LAPTM4B: variants seen among roughly 807,000 people sequenced by gnomAD.
The protein encoded by LAPTM4B is lysosomal protein transmembrane 4 beta.
A neutral mutation model predicts 28.5 loss-of-function variants in LAPTM4B; 26 were observed. The observed-to-expected ratio is 0.91, with a 90% CI of 0.67 to 1.27. LAPTM4B has a LOEUF of 1.27. LAPTM4B is among the 50% of genes most tolerant of loss of function. The pLI is 0.00. For synonymous variants in LAPTM4B, 109 were observed against 106.4 expected, an observed-to-expected ratio of 1.02 and a Z score of -0.15; for missense variants, 288 against 285.8, an observed-to-expected ratio of 1.01 and a Z score of -0.06.
chr8:97,792,330 A>G (rs1319306214), intron 1 of LAPTM4B, among the ~76,000 whole-genome samples: 1 of 152,096 alleles, frequency 6.6e-6, no homozygotes, highest in Non-Finnish European at 1.5e-5. Flanking sequence ...ATCTCCACTC[A>G]CTACATCCTT....
At chr8:97,823,387 T>TG (rs1239442135) in intron 5 of LAPTM4B, among the ~76,000 whole-genome samples, 1 of 130,676 alleles carries the variant, frequency 7.7e-6, no homozygotes, top group African/African-American at 2.7e-5. Context: ...TTGTTGTTGT[T>TG]TTTTTGAGAC....
chr8:97,850,322 T>C (rs4501557), intron 6 of LAPTM4B, among the ~76,000 whole-genome samples: 57,329 of 151,476 alleles, frequency 0.38, 11,550 homozygotes, highest in Non-Finnish European at 0.41. Flanking sequence ...AAGTGGCACC[T>C]CCGTCACTCC....
chr8:97,801,843 CAAA>C (rs34138394), intron 1 of LAPTM4B, among the ~76,000 whole-genome samples: 104 of 131,338 alleles, frequency 7.9e-4, no homozygotes, highest in Non-Finnish European at 8.1e-4. Context: ...AACTCCATCT[CAAA>C]AAAAAAAAAA....
Position 97,782,057 on chromosome 8 carries a change from C to A in LAPTM4B, c.99+5949C>A, listed in dbSNP as rs1041589912. Among the ~76,000 whole-genome samples, 13 of 150,902 alleles carry A rather than the reference C, an allele frequency of 8.6e-5. No individual in the cohort carries two copies. In the South Asian group the frequency reaches 2.1e-3, roughly 24 times the overall value. The stretch of plus-strand genomic sequence containing the variant: ...GTGCAATGGTGCGATCTCGGCTCAC[C>A]GCAACCTCCGACTCCCAGGTTCAAG... On this transcript the variant is annotated intron_variant, in intron 1 of 6. Transcript: ENST00000521545.
In LAPTM4B at chr8:97,848,772, G is replaced by A. The variant is rs866190453; in HGVS notation, c.604-2625G>A. ...GGGCATTGTGGTGAAGCTCAGTCTT[G>A]CTAAAATTAATATTTCTGGTGCGGT... On this transcript the variant is annotated intron_variant, in intron 6 of 6. Transcript: ENST00000521545. 1.1e-4 allele frequency among the ~76,000 whole-genome samples: 17 copies of A among 152,186 alleles called. 1 individual carries two copies. Among genetic ancestry groups the A allele is most frequent in the Non-Finnish European group, 4.4e-5 (3 of 68,038 alleles).
At chr8:97,846,352 G>C (rs1210944408) in intron 6 of LAPTM4B, among the ~76,000 whole-genome samples, 1 of 137,972 alleles carries the variant, frequency 7.2e-6, no homozygotes, top group African/African-American at 2.7e-5. Flanking sequence ...TTTTGAGATG[G>C]AGTTTCGCTC....
At chr8:97,847,408 A>C (rs1460180734) in intron 6 of LAPTM4B, among the ~76,000 whole-genome samples, 1 of 152,236 alleles carries the variant, frequency 6.6e-6, no homozygotes, top group African/African-American at 2.4e-5. Context: ...CATGACCTAT[A>C]TTCTTAGTTC....
chr8:97,852,756 T>C lies in LAPTM4B; in HGVS notation c.*1282T>C. ...TTAATCTTTTAATTTTCAAGATGGT[T>C]AAAATATTGAAATGTTTAAGTGGAT... On this transcript the variant is annotated 3_prime_UTR_variant, in exon 7 of 7. Transcript: ENST00000521545. The C allele has an allele frequency of 4.3e-6, 1 of 232,308 alleles. No individual in the cohort carries two copies. Among genetic ancestry groups the C allele is most frequent in the Non-Finnish European group, 8.6e-6 (1 of 115,708 alleles). The allele number at this position is 232,308 out of a possible 1,614,324, so 14.4% of individuals were successfully genotyped here.
intron 1 of LAPTM4B, among the ~76,000 whole-genome samples, chr8:97,801,720 G>A (rs960211382): frequency 1.3e-5 from 2 of 151,852 alleles, no homozygotes; most frequent in African/African-American, 4.8e-5. Flanking sequence ...GCAGGTGTCT[G>A]TAATCGCAGC....
chr8:97,786,160 T>G (rs1331825561), intron 1 of LAPTM4B, among the ~76,000 whole-genome samples: 3 of 152,262 alleles, frequency 2.0e-5, no homozygotes, highest in African/African-American at 7.2e-5. Flanking sequence ...TTGAGACTCT[T>G]AGTAGAGCTT....
At chr8:97,803,520 C>T (rs1816720419) in intron 1 of LAPTM4B, among the ~76,000 whole-genome samples, 1 of 152,174 alleles carries the variant, frequency 6.6e-6, no homozygotes, top group Non-Finnish European at 1.5e-5. Context: ...GTAATCCACC[C>T]ACCTTGGCTT....
chr8:97,840,720 C>A (rs1356390049), intron 6 of LAPTM4B, among the ~76,000 whole-genome samples: 1 of 152,226 alleles, frequency 6.6e-6, no homozygotes, highest in Non-Finnish European at 1.5e-5. Flanking sequence ...AAAGATCACA[C>A]ACAAGGCTGT....
At chr8:97,831,163 T>C (rs1216259390) in intron 6 of LAPTM4B, among the ~76,000 whole-genome samples, 2 of 152,180 alleles carry the variant, frequency 1.3e-5, no homozygotes, top group Non-Finnish European at 2.9e-5. Flanking sequence ...CACTGAATAC[T>C]GAGGGCTTGG....
chr8:97,816,313 TTTC>T (rs1816914093), intron 4 of LAPTM4B, 133 bp downstream of exon 4: 1 of 841,002 alleles, frequency 1.2e-6, no homozygotes, highest in Non-Finnish European at 1.8e-6. Flanking sequence ...TCATAGGAAA[TTTC>T]TTTTTTCTTT....
At chr8:97,793,810 G>A (rs1586323098) in intron 1 of LAPTM4B, among the ~76,000 whole-genome samples, 1 of 152,108 alleles carries the variant, frequency 6.6e-6, no homozygotes. Context: ...TGGGACTAAT[G>A]GGACAAGGGT....
In LAPTM4B at chr8:97,776,029, G is replaced by T; in HGVS notation, c.20G>T (p.Trp7Leu). The part of the protein sequence containing the change: MKMVAP[W>L]TRFYSNSCCL... ...GGAGCGATGAAGATGGTCGCGCCCT[G>T]GACGCGGTTCTACTCCAACAGCTGC... The change falls in exon 1 of 7, where the codon TGG becomes TTG. Residue 7 changes from tryptophan (W) to leucine (L), a missense_variant. Physicochemically the swap from Trp to Leu is moderately conservative, Grantham distance 61. Coordinates refer to ENST00000521545, the MANE Select transcript of LAPTM4B (RefSeq NM_018407.6). The T allele has an allele frequency of 1.3e-6, 2 of 1,581,112 alleles. No homozygotes were observed. Among genetic ancestry groups the T allele is most frequent in the Non-Finnish European group, 1.7e-6 (2 of 1,167,776 alleles).
intron 5 of LAPTM4B, 55 bp downstream of exon 5, chr8:97,819,293 C>A: frequency 9.3e-7 from 1 of 1,077,886 alleles, no homozygotes; most frequent in Non-Finnish European, 1.4e-6. Context: ...TTCCTGAATA[C>A]CAAATAAGTA....
chr8:97,827,930 A>G (rs1203052855), intron 6 of LAPTM4B, among the ~76,000 whole-genome samples: 1 of 152,118 alleles, frequency 6.6e-6, no homozygotes, highest in East Asian at 1.9e-4. Flanking sequence ...GTTAGGGTAG[A>G]GTCTGTTACA....
chr8:97,785,637 C>T (rs1816388052), intron 1 of LAPTM4B, among the ~76,000 whole-genome samples: 2 of 152,264 alleles, frequency 1.3e-5, no homozygotes, highest in South Asian at 4.1e-4. Flanking sequence ...TTTTTAAAGA[C>T]TGAAAGGGGG....
Sources: gnomAD v4.1 joint callset for allele counts (sites outside exome capture counted in the v4.1 genomes callset) on GRCh38, gnomAD v4.1.1 for gene constraint, MANE v1.5 for transcripts, NCBI Gene and HGNC (gene_info 2026-07-23, HGNC 2026-07-21) for gene names.